The following GDA variants were observed in gnomAD, a reference collection of about 807,000 sequenced individuals.
GDA encodes the protein guanine deaminase.
In GDA, 18 loss-of-function variants were observed where a neutral mutation model predicts 59.6. The observed-to-expected ratio is 0.30, with a 90% CI of 0.21 to 0.45. The LOEUF (loss-of-function observed/expected upper bound fraction) is 0.45. Among genes scored for constraint, GDA ranks in the 20% least tolerant of loss-of-function variants. GDA has a pLI of 1.00. For synonymous variants in GDA, 201 were observed against 201.1 expected (o/e 1.00, Z 0.00); for missense variants, 427 against 552.3 (o/e 0.77, Z 2.27).
intron 1 of GDA, among the ~76,000 whole-genome samples, chr9:72,119,438 A>G (rs1035870224): frequency 1.3e-5 from 2 of 152,174 alleles, no homozygotes; most frequent in Non-Finnish European, 2.9e-5. Context: ...GGTCGAGGCT[A>G]CAGTGAGCTG....
chr9:72,243,688 A>G (rs1166473396), intron 11 of GDA, among the ~76,000 whole-genome samples: 6 of 152,226 alleles, frequency 3.9e-5, no homozygotes, highest in African/African-American at 1.4e-4. Flanking sequence ...TCTGAGAATA[A>G]AAGAGTTGCC....
intron 1 of GDA, among the ~76,000 whole-genome samples, chr9:72,181,226 G>A (rs983475792): frequency 1.1e-4 from 17 of 152,078 alleles, no homozygotes; most frequent in Admixed American, 1.0e-3. Flanking sequence ...AGGATGTGAT[G>A]AACTGTGGTT....
chr9:72,150,622 C>T (rs913074332), intron 1 of GDA, among the ~76,000 whole-genome samples: 1 of 152,092 alleles, frequency 6.6e-6, no homozygotes, highest in African/African-American at 2.4e-5. Flanking sequence ...GAGCTGTTTT[C>T]CAACTACTGG....
intron 1 of GDA, among the ~76,000 whole-genome samples, chr9:72,134,769 G>A (rs1826156650): frequency 6.6e-6 from 1 of 152,158 alleles, no homozygotes; most frequent in African/African-American, 2.4e-5. Flanking sequence ...TGGGAAAGAA[G>A]TTGGGTAAAA....
At chr9:72,179,976 CGG>C (rs58824571) in intron 1 of GDA, among the ~76,000 whole-genome samples, 1 of 134,984 alleles carries the variant, frequency 7.4e-6, no homozygotes, top group Non-Finnish European at 1.6e-5. Flanking sequence ...GAATTACTGG[CGG>C]GGGGGGTTAG....
intron 1 of GDA, among the ~76,000 whole-genome samples, chr9:72,134,270 A>G (rs575995997): frequency 6.6e-6 from 1 of 152,292 alleles, no homozygotes; most frequent in African/African-American, 2.4e-5. Flanking sequence ...GTTTATCACA[A>G]TTCCTTCATC....
intron 5 of GDA, among the ~76,000 whole-genome samples, chr9:72,214,475 T>C (rs1835834414): frequency 6.6e-6 from 1 of 151,940 alleles, no homozygotes. Flanking sequence ...TTTGTATTTT[T>C]AGTAGAGACG....
At chr9:72,222,823 C>T (rs1837064012) in intron 6 of GDA, among the ~76,000 whole-genome samples, 1 of 151,990 alleles carries the variant, frequency 6.6e-6, no homozygotes, top group Non-Finnish European at 1.5e-5. Flanking sequence ...TCCCTTGCCT[C>T]AGCCTCCCGA....
intron 1 of GDA, among the ~76,000 whole-genome samples, chr9:72,188,429 G>C (rs1483713024): frequency 6.6e-6 from 1 of 152,194 alleles, no homozygotes; most frequent in African/African-American, 2.4e-5. Flanking sequence ...CTCCCACCAT[G>C]GCTCAAGCAG....
chr9:72,208,520 A>C (rs893213633), intron 3 of GDA, among the ~76,000 whole-genome samples: 1 of 152,180 alleles, frequency 6.6e-6, no homozygotes, highest in Non-Finnish European at 1.5e-5. Context: ...GTTTCTGGTC[A>C]GCATTCTCTG....
At chr9:72,240,087 A>G (rs1157671191) in intron 10 of GDA, among the ~76,000 whole-genome samples, 2 of 152,136 alleles carry the variant, frequency 1.3e-5, no homozygotes, top group African/African-American at 2.4e-5. Context: ...ACTTAACTCC[A>G]TGTTCATTCT....
At position 72,223,131 on chromosome 9, in the gene GDA, G is replaced by A; in HGVS notation, c.618G>A (p.Val206=). Residue 206 remains valine, a synonymous_variant, in exon 7 of 14, where the codon GTG becomes GTA. Coordinates refer to ENST00000358399, the MANE Select transcript of GDA (RefSeq NM_004293.5). ...SEMLQKNYSR[V]KPIVTPRFSL... Reference sequence around the variant, plus strand: ...TTAATTATCTCCAGTATTCTAGAGTGAAGCCCATAGTGACACCACGTTTTT... The same window carrying A: ...TTAATTATCTCCAGTATTCTAGAGTAAAGCCCATAGTGACACCACGTTTTT... 1 of 1,575,386 alleles carries A rather than the reference G, an allele frequency of 6.3e-7. No homozygotes were observed. Among genetic ancestry groups the A allele is most frequent in the Non-Finnish European group, 8.7e-7 (1 of 1,145,026 alleles).
At chr9:72,131,536 A>G (rs1253090482) in intron 1 of GDA, among the ~76,000 whole-genome samples, 2 of 152,148 alleles carry the variant, frequency 1.3e-5, no homozygotes, top group African/African-American at 2.4e-5. Context: ...TTACATTTCA[A>G]CATGAGATTT....
intron 1 of GDA, among the ~76,000 whole-genome samples, chr9:72,119,674 AAG>A (rs1825592877): frequency 1.3e-5 from 2 of 152,198 alleles, no homozygotes; most frequent in South Asian, 2.1e-4. Flanking sequence ...GGGGATAAGA[AAG>A]AGAATAAATT....
intron 1 of GDA, among the ~76,000 whole-genome samples, chr9:72,192,570 C>T (rs1473853667): frequency 6.7e-6 from 1 of 149,870 alleles, no homozygotes; most frequent in African/African-American, 2.4e-5. Context: ...TTTTCTTCTG[C>T]TTGATCAATT....
intron 1 of GDA, among the ~76,000 whole-genome samples, chr9:72,190,601 C>G (rs1010976064): frequency 1.3e-5 from 2 of 152,166 alleles, no homozygotes; most frequent in African/African-American, 4.8e-5. Context: ...AGTTATCGCT[C>G]ATTTTAGACT....
intron 1 of GDA, among the ~76,000 whole-genome samples, chr9:72,117,288 CAG>C (rs1022984836): frequency 6.6e-6 from 1 of 151,872 alleles, no homozygotes; most frequent in Non-Finnish European, 1.5e-5. Context: ...GAAAATAAGA[CAG>C]AATATTAAGG....
chr9:72,162,782 C>A (rs1313424587), intron 1 of GDA, among the ~76,000 whole-genome samples: 7 of 152,018 alleles, frequency 4.6e-5, no homozygotes, highest in Non-Finnish European at 7.4e-5. Flanking sequence ...CTCAGCCTCC[C>A]CAGTAGCTGG....
intron 1 of GDA, among the ~76,000 whole-genome samples, chr9:72,128,802 C>T (rs951896045): frequency 5.9e-5 from 9 of 151,730 alleles, no homozygotes; most frequent in Non-Finnish European, 1.2e-4. Flanking sequence ...GAATGCAATA[C>T]GTGGTAATAA....
Sources: allele counts gnomAD v4.1 joint callset (sites outside exome capture counted in the v4.1 genomes callset), GRCh38; gene constraint gnomAD v4.1.1; transcripts MANE v1.5; gene names NCBI Gene and HGNC (gene_info 2026-07-23, HGNC 2026-07-21).